The following RPS6KC1 variants were observed in gnomAD, a reference collection of about 807,000 sequenced individuals.
RPS6KC1 encodes the protein ribosomal protein S6 kinase C1.
A neutral mutation model predicts 103.8 loss-of-function variants in RPS6KC1; 54 were observed. That is an observed-to-expected ratio of 0.52 (90% CI 0.42 to 0.65). The LOEUF (loss-of-function observed/expected upper bound fraction) is 0.65. Among genes scored for constraint, RPS6KC1 ranks in the 30% least tolerant of loss-of-function variants. The probability of loss-of-function intolerance (pLI) is 0.00; values close to 1 mark genes in which losing one functional copy is unlikely to be tolerated. For synonymous variants in RPS6KC1, 439 were observed against 438.7 expected (o/e 1.00, Z -0.01); for missense variants, 1,151 against 1,253.8 (o/e 0.92, Z 1.24).
the RPS6KC1 span, among the ~76,000 whole-genome samples, chr1:213,648,263 A>G: frequency 3.9e-5 from 6 of 152,106 alleles, no homozygotes; most frequent in Non-Finnish European, 8.8e-5. Flanking sequence ...GCCTGGGTAC[A>G]GTTTGGGAAC....
the RPS6KC1 span, among the ~76,000 whole-genome samples, chr1:213,343,392 T>C: frequency 6.8e-4 from 2 of 2,924 alleles, no homozygotes; most frequent in Non-Finnish European, 9.1e-4. Context: ...GTGTTGTGTG[T>C]ATATATATAT....
At chr1:213,535,527 A>T in the RPS6KC1 span, among the ~76,000 whole-genome samples, 1 of 152,268 alleles carries the variant, frequency 6.6e-6, no homozygotes, top group Non-Finnish European at 1.5e-5. Context: ...TCCTCAGTGC[A>T]GTATCTCTGC....
chr1:213,614,794 G>A, the RPS6KC1 span, among the ~76,000 whole-genome samples: 1 of 152,220 alleles, frequency 6.6e-6, no homozygotes, highest in Non-Finnish European at 1.5e-5. Context: ...GGCTCTTTCA[G>A]CCTGTGGAAG....
At chr1:213,648,697 T>C in the RPS6KC1 span, among the ~76,000 whole-genome samples, 355 of 152,162 alleles carry the variant, frequency 2.3e-3, 7 homozygotes, top group Non-Finnish European at 2.9e-3. Flanking sequence ...GGATGGGCCA[T>C]CTCCTGACTA....
intron 8 of RPS6KC1, among the ~76,000 whole-genome samples, chr1:213,203,914 C>A (rs2093256227): frequency 6.6e-6 from 1 of 152,098 alleles, no homozygotes. Flanking sequence ...CTTTCCCATC[C>A]CGGAAGTATT....
chr1:213,472,175 G>C, the RPS6KC1 span, among the ~76,000 whole-genome samples: 1 of 152,218 alleles, frequency 6.6e-6, no homozygotes, highest in African/African-American at 2.4e-5. Flanking sequence ...TTTTTTCTAG[G>C]ATGCTTTTCC....
chr1:213,114,659 T>G (rs1345205576), intron 4 of RPS6KC1, among the ~76,000 whole-genome samples: 2 of 151,666 alleles, frequency 1.3e-5, no homozygotes, highest in South Asian at 2.1e-4. Context: ...ATGCTTCCAG[T>G]TTTTGCCCAT....
chr1:213,841,289 C>G, the RPS6KC1 span: 2 of 152,154 alleles, frequency 1.3e-5, no homozygotes, highest in African/African-American at 4.8e-5. Context: ...ATGCCCCTAG[C>G]AAGTTGTTTT....
the RPS6KC1 span, among the ~76,000 whole-genome samples, chr1:213,487,432 C>T: frequency 4.6e-5 from 7 of 152,064 alleles, no homozygotes; most frequent in South Asian, 8.3e-4. Flanking sequence ...TAGTTTTCTC[C>T]GTGGTCTTCC....
the RPS6KC1 span, among the ~76,000 whole-genome samples, chr1:213,851,640 C>G: frequency 6.6e-6 from 1 of 152,294 alleles, no homozygotes; most frequent in South Asian, 2.1e-4. Flanking sequence ...AAACCCCACT[C>G]TTAAATCTCA....
chr1:213,753,091 T>C, the RPS6KC1 span, among the ~76,000 whole-genome samples: 1 of 152,202 alleles, frequency 6.6e-6, no homozygotes. Context: ...AGTATGGAAG[T>C]CTTTCTCTTC....
the RPS6KC1 span, among the ~76,000 whole-genome samples, chr1:213,614,052 G>C: frequency 2.0e-5 from 3 of 152,202 alleles, no homozygotes; most frequent in East Asian, 5.8e-4. Flanking sequence ...CATTATTTCT[G>C]GACGTGTGTC....
the RPS6KC1 span, among the ~76,000 whole-genome samples, chr1:213,606,368 C>T: frequency 2.0e-5 from 3 of 152,204 alleles, no homozygotes; most frequent in Admixed American, 6.5e-5. Context: ...GCCAACTGTT[C>T]GGTGCCCACA....
intron 7 of RPS6KC1, among the ~76,000 whole-genome samples, chr1:213,170,507 A>G (rs2091386522): frequency 6.6e-6 from 1 of 152,232 alleles, no homozygotes; most frequent in African/African-American, 2.4e-5. Flanking sequence ...ATAGTTGAGG[A>G]CCTGTATATG....
At chr1:213,099,392 C>A (rs868378057) in intron 3 of RPS6KC1, among the ~76,000 whole-genome samples, 2 of 152,134 alleles carry the variant, frequency 1.3e-5, no homozygotes, top group African/African-American at 4.8e-5. Context: ...TATCATATAT[C>A]TTTCCATAAT....
At chr1:213,545,411 TAAATA>T in the RPS6KC1 span, among the ~76,000 whole-genome samples, 85 of 75,276 alleles carry the variant, frequency 1.1e-3, 1 homozygote, top group African/African-American at 2.5e-3. Context: ...AATAAATAAA[TAAATA>T]AAATAAAATA....
intron 8 of RPS6KC1, among the ~76,000 whole-genome samples, chr1:213,197,672 T>C (rs1360856577): frequency 1.3e-5 from 2 of 152,222 alleles, no homozygotes; most frequent in Non-Finnish European, 2.9e-5. Flanking sequence ...CCTGAAACTT[T>C]ATTGAATTCA....
chr1:213,578,946 G>A, the RPS6KC1 span, among the ~76,000 whole-genome samples: 1 of 152,130 alleles, frequency 6.6e-6, no homozygotes. Flanking sequence ...GGGACCAGGG[G>A]TGGAATGATA....
chr1:213,200,332 A>C (rs963295336), intron 8 of RPS6KC1, among the ~76,000 whole-genome samples: 1 of 152,158 alleles, frequency 6.6e-6, no homozygotes, highest in African/African-American at 2.4e-5. Flanking sequence ...ATAAGACTGC[A>C]TACCCACAAC....
Sources: allele counts gnomAD v4.1 joint callset (sites outside exome capture counted in the v4.1 genomes callset), GRCh38; gene constraint gnomAD v4.1.1; transcripts MANE v1.5; gene names NCBI Gene and HGNC (gene_info 2026-07-23, HGNC 2026-07-21).